Variants in CRPPA observed in about 807,000 individuals in gnomAD.
CRPPA encodes D-ribitol-5-phosphate cytidylyltransferase.
Under a neutral mutation model 52.0 loss-of-function variants are expected in CRPPA, and 43 were observed. The ratio of observed to expected loss-of-function variants is 0.83; its 90% CI spans 0.65 to 1.07. The LOEUF (loss-of-function observed/expected upper bound fraction) is 1.07, where lower values mean the gene tolerates loss of function less well. Among genes scored for constraint, CRPPA ranks in the 50% least tolerant of loss-of-function variants. The pLI, the probability that CRPPA is intolerant of heterozygous loss-of-function variation, is 0.00. For synonymous variants in CRPPA, 250 were observed against 203.5 expected (o/e 1.23, Z -1.94); for missense variants, 629 against 551.7 (o/e 1.14, Z -1.40).
intron 9 of CRPPA, among the ~76,000 whole-genome samples, chr7:16,171,997 C>G (rs1302893317): frequency 1.3e-5 from 2 of 152,086 alleles, no homozygotes; most frequent in Admixed American, 1.3e-4. Context: ...TATATTTTTC[C>G]TCATTTTCTA....
chr7:16,222,164 G>C (rs945936077), intron 8 of CRPPA, among the ~76,000 whole-genome samples: 1 of 151,748 alleles, frequency 6.6e-6, no homozygotes, highest in African/African-American at 2.4e-5. Flanking sequence ...GATGAAATTG[G>C]AAATCATCAT....
intron 2 of CRPPA, among the ~76,000 whole-genome samples, chr7:16,381,894 T>A (rs1340315510): frequency 6.6e-6 from 1 of 152,154 alleles, no homozygotes; most frequent in Non-Finnish European, 1.5e-5. Flanking sequence ...TCTCTGCACA[T>A]GAGATGGGTT....
At chr7:16,299,037 C>T (rs1021067079) in intron 5 of CRPPA, among the ~76,000 whole-genome samples, 1 of 152,192 alleles carries the variant, frequency 6.6e-6, no homozygotes, top group African/African-American at 2.4e-5. Flanking sequence ...GTGAGCCAAT[C>T]CCTCATAATA....
chr7:16,172,952 T>C (rs1378843646), intron 9 of CRPPA, among the ~76,000 whole-genome samples: 2 of 152,252 alleles, frequency 1.3e-5, no homozygotes, highest in African/African-American at 4.8e-5. Flanking sequence ...ATACTTTGTT[T>C]TCAACTGGAG....
chr7:16,286,066 T>TAATATTTAAAAAAAA (rs1562608529), intron 5 of CRPPA, among the ~76,000 whole-genome samples: 22 of 25,842 alleles, frequency 8.5e-4, no homozygotes, highest in African/African-American at 1.1e-3. Context: ...TATATATATA[T>TAATATTTAAAAAAAA]ATATATATAT....
chr7:16,268,042 C>A (rs1783998623), intron 6 of CRPPA, among the ~76,000 whole-genome samples: 1 of 151,864 alleles, frequency 6.6e-6, no homozygotes, highest in African/African-American at 2.4e-5. Context: ...GTCCTGGAAC[C>A]CCCATATAAA....
At chr7:16,419,368 C>T (rs1788273362) in intron 1 of CRPPA, among the ~76,000 whole-genome samples, 1 of 152,238 alleles carries the variant, frequency 6.6e-6, no homozygotes, top group South Asian at 2.1e-4. Flanking sequence ...CATTCCTTGG[C>T]ATAGGCCGAA....
At chr7:16,420,668 G>T (rs1252107334) in intron 1 of CRPPA, among the ~76,000 whole-genome samples, 1 of 152,218 alleles carries the variant, frequency 6.6e-6, no homozygotes, top group Non-Finnish European at 1.5e-5. Flanking sequence ...AAACTTCAGT[G>T]TGCACGTACA....
chr7:16,103,179 T>C (rs1344101072), intron 9 of CRPPA, among the ~76,000 whole-genome samples: 1 of 152,088 alleles, frequency 6.6e-6, no homozygotes, highest in Non-Finnish European at 1.5e-5. Flanking sequence ...CTGGAAACCA[T>C]CATTCTCAGC....
intron 9 of CRPPA, among the ~76,000 whole-genome samples, chr7:16,100,263 T>C (rs1782018173): frequency 6.6e-6 from 1 of 152,222 alleles, no homozygotes. Flanking sequence ...TGACTACCTC[T>C]TAAGATGTCA....
At chr7:16,197,621 T>G (rs1781767185) in intron 9 of CRPPA, among the ~76,000 whole-genome samples, 1 of 151,742 alleles carries the variant, frequency 6.6e-6, no homozygotes, top group African/African-American at 2.4e-5. Flanking sequence ...AAGCAAAAAT[T>G]GGTAAATTCT....
At chr7:16,180,120 T>C (rs1219997285) in intron 9 of CRPPA, among the ~76,000 whole-genome samples, 1 of 152,084 alleles carries the variant, frequency 6.6e-6, no homozygotes, top group African/African-American at 2.4e-5. Flanking sequence ...TCTTGTACGA[T>C]ACAGACAAGA....
At chr7:16,339,320 C>A (rs1445273351) in intron 3 of CRPPA, among the ~76,000 whole-genome samples, 1 of 152,108 alleles carries the variant, frequency 6.6e-6, no homozygotes, top group Non-Finnish European at 1.5e-5. Context: ...CAAATTAAAT[C>A]TACTGTATAA....
At chr7:16,133,340 T>C (rs1377661853) in intron 9 of CRPPA, among the ~76,000 whole-genome samples, 1 of 120,686 alleles carries the variant, frequency 8.3e-6, no homozygotes. Flanking sequence ...GTAAAATTTA[T>C]CAAAACTCAA....
intron 9 of CRPPA, among the ~76,000 whole-genome samples, chr7:16,132,456 TTAAGAA>T (rs1782697393): frequency 8.1e-6 from 1 of 123,940 alleles, no homozygotes. Flanking sequence ...ATAGAAAGGA[TTAAGAA>T]TGACTCAGGA....
intron 8 of CRPPA, among the ~76,000 whole-genome samples, chr7:16,234,110 G>A (rs1204161735): frequency 6.6e-6 from 1 of 152,036 alleles, no homozygotes; most frequent in Non-Finnish European, 1.5e-5. Context: ...ATTTCTAAAT[G>A]TTGCACATAT....
At chr7:16,154,612 A>C (rs188814570) in intron 9 of CRPPA, among the ~76,000 whole-genome samples, 3 of 152,310 alleles carry the variant, frequency 2.0e-5, no homozygotes, top group Non-Finnish European at 1.5e-5. Context: ...TCACTGTTAA[A>C]TTTATGTCTT....
chr7:16,398,121 CATT>C (rs901828023), intron 2 of CRPPA, among the ~76,000 whole-genome samples: 13 of 151,856 alleles, frequency 8.6e-5, no homozygotes, highest in African/African-American at 2.9e-4. Context: ...AGGTGATTGA[CATT>C]ATTCGCACTT....
chr7:16,134,635 A>G (rs371620422), intron 9 of CRPPA, among the ~76,000 whole-genome samples: 11 of 152,330 alleles, frequency 7.2e-5, no homozygotes, highest in African/African-American at 2.6e-4. Flanking sequence ...AGGGTATAAT[A>G]ATCAATAATC....
Sources: gnomAD v4.1 joint callset for allele counts (sites outside exome capture counted in the v4.1 genomes callset) on GRCh38, gnomAD v4.1.1 for gene constraint, MANE v1.5 for transcripts, NCBI Gene and HGNC (gene_info 2026-07-23, HGNC 2026-07-21) for gene names.